The following ABCA12 variants were observed in gnomAD, a reference collection of about 807,000 sequenced individuals.
ABCA12 encodes the protein ATP binding cassette subfamily A member 12.
A neutral mutation model predicts 293.5 loss-of-function variants in ABCA12; 156 were observed. The observed-to-expected ratio is 0.53, with a 90% CI of 0.47 to 0.61. The LOEUF (loss-of-function observed/expected upper bound fraction) is 0.61, where lower values mean the gene tolerates loss of function less well. Among genes scored for constraint, ABCA12 ranks in the 20% least tolerant of loss-of-function variants. The pLI is 0.00. For missense variants in ABCA12, 2,797 were observed against 3,090.2 expected (o/e 0.91, Z 2.25); for synonymous variants, 1,063 against 1,108.0 (o/e 0.96, Z 0.81).
Position 214,955,339 on chromosome 2 carries a change from A to T in ABCA12, c.6256T>A (p.Tyr2086Asn). 1 of 1,614,138 alleles carries T rather than the reference A, an allele frequency of 6.2e-7. No homozygotes were observed. ...LFGYATFSWMYLLAGLFHETG... is the reference protein window; with the variant it reads ...LFGYATFSWMNLLAGLFHETG... ...TCATGGAAGAGCCCAGCCAGCAAGT[A>T]CATCCAGGAAAATGTTGCATACCTG... is the stretch of plus-strand genomic sequence containing the variant. Residue 2086 changes from tyrosine to asparagine, a missense_variant, in exon 43 of 53, where the codon TAC becomes AAC. By Grantham distance (143) the Tyr-to-Asn change is moderately radical. Coordinates refer to ENST00000272895, the MANE Select transcript of ABCA12 (RefSeq NM_173076.3).
At chr2:215,020,976 A>T (rs1200205817) in intron 11 of ABCA12, among the ~76,000 whole-genome samples, 1 of 152,166 alleles carries the variant, frequency 6.6e-6, no homozygotes, top group Non-Finnish European at 1.5e-5. Flanking sequence ...CTCTCGAGTA[A>T]GTAGCTGGGA....
intron 50 of ABCA12, 115 bp from the exon 51 acceptor site, chr2:214,937,730 T>C: frequency 2.7e-6 from 2 of 730,550 alleles, no homozygotes; most frequent in Non-Finnish European, 4.8e-6. Context: ...CTTTTCTTTA[T>C]ATGAAGACTA....
At chr2:214,987,956 C>A (rs563993576) in intron 26 of ABCA12, among the ~76,000 whole-genome samples, 163 bp from the exon 27 acceptor site, 205 of 152,246 alleles carry the variant, frequency 1.3e-3, no homozygotes, top group African/African-American at 4.7e-3. Flanking sequence ...AAGCAAAAAA[C>A]GATGCTTTTT....
intron 1 of ABCA12, among the ~76,000 whole-genome samples, chr2:215,126,954 T>C (rs1286793826): frequency 6.6e-6 from 1 of 152,168 alleles, no homozygotes; most frequent in Non-Finnish European, 1.5e-5. Context: ...TTGTTAGCAC[T>C]GCCTTTGCTG....
intron 30 of ABCA12, among the ~76,000 whole-genome samples, chr2:214,981,354 A>G (rs1699648285): frequency 6.6e-6 from 1 of 152,086 alleles, no homozygotes; most frequent in South Asian, 2.1e-4. Context: ...GACTTTTTGA[A>G]TATTCCTCTC....
At chr2:215,044,147 G>A (rs931698848) in intron 7 of ABCA12, among the ~76,000 whole-genome samples, 8 of 152,018 alleles carry the variant, frequency 5.3e-5, no homozygotes, top group African/African-American at 9.7e-5. Flanking sequence ...TCATATAGGT[G>A]TATATTTTCA....
Position 215,138,559 on chromosome 2 carries a change from G to T in ABCA12, c.-351C>A. The T allele has an allele frequency of 8.8e-6, 2 of 226,332 alleles. No individual in the cohort carries two copies. The highest frequency in any genetic ancestry group is 1.7e-5 in the Non-Finnish European group (2 of 115,924). The allele number at this position is 226,332 out of a possible 1,614,324, so 14.0% of individuals were successfully genotyped here. A position where few individuals can be genotyped will look rare whatever the true frequency, so the allele number is the denominator to read the frequency against. ...AGCATCATTCAGATAATGCCTCACTGAAAAAAAAAAAAAAGCAGCAGCTGA... is the reference window on the plus strand; with the variant it reads ...AGCATCATTCAGATAATGCCTCACTTAAAAAAAAAAAAAAGCAGCAGCTGA... On this transcript the variant is annotated 5_prime_UTR_variant, in exon 1 of 53. Transcript: ENST00000272895.
intron 8 of ABCA12, among the ~76,000 whole-genome samples, chr2:215,035,287 CA>C (rs1700967842): frequency 6.6e-6 from 1 of 152,154 alleles, no homozygotes; most frequent in Admixed American, 6.5e-5. Flanking sequence ...TAAAAAGAAA[CA>C]AAAGGTAAGT....
chr2:214,977,975 T>C (rs1699558406), intron 33 of ABCA12, among the ~76,000 whole-genome samples: 1 of 151,712 alleles, frequency 6.6e-6, no homozygotes, highest in Admixed American at 6.6e-5. Context: ...ATCTTGTCCA[T>C]TGTTAGCCCC....
chr2:214,955,777 T>G (rs1031374318), intron 42 of ABCA12, among the ~76,000 whole-genome samples: 1 of 152,230 alleles, frequency 6.6e-6, no homozygotes, highest in Non-Finnish European at 1.5e-5. Context: ...TAGATCTCTC[T>G]TTCATTCCTT....
At chr2:215,117,486 T>A (rs1702710297) in intron 1 of ABCA12, among the ~76,000 whole-genome samples, 1 of 152,226 alleles carries the variant, frequency 6.6e-6, no homozygotes, top group Non-Finnish European at 1.5e-5. Flanking sequence ...TTAACAAAAT[T>A]GAATTATCTA....
At chr2:215,056,652 A>G (rs559670602) in intron 3 of ABCA12, among the ~76,000 whole-genome samples, 1 of 152,190 alleles carries the variant, frequency 6.6e-6, no homozygotes, top group Admixed American at 6.5e-5. Context: ...TCACACATCA[A>G]AACTGTTTTC....
chr2:215,018,136 C>G lies in ABCA12; in HGVS notation c.1658-4G>C. On this transcript the variant is annotated splice_polypyrimidine_tract_variant and splice_region_variant and intron_variant, in intron 13 of 52. Transcript: ENST00000272895. ...TTAAACATTTCTAGTAACTGACCTG[C>G]AAGAAGAAAAATGTAAAAAGAAAAC... The G allele has an allele frequency of 6.2e-7, 1 of 1,611,250 alleles. No homozygotes were observed. The highest frequency in any genetic ancestry group is 8.5e-7 in the Non-Finnish European group (1 of 1,178,956).
At chr2:214,964,391 G>A (rs1699201796) in intron 39 of ABCA12, among the ~76,000 whole-genome samples, 1 of 152,052 alleles carries the variant, frequency 6.6e-6, no homozygotes, top group Non-Finnish European at 1.5e-5. Flanking sequence ...AATCAGGCAA[G>A]GTAAAGAAAT....
chr2:215,086,200 C>T (rs1408705282), intron 2 of ABCA12, among the ~76,000 whole-genome samples: 1 of 152,190 alleles, frequency 6.6e-6, no homozygotes, highest in Non-Finnish European at 1.5e-5. Flanking sequence ...CATCCAGATA[C>T]AATGGGTTAA....
In ABCA12 at chr2:215,099,270, G is replaced by T. The variant is rs375080678; in HGVS notation, c.163+12327C>A. On this transcript the variant is annotated intron_variant, in intron 2 of 52. Transcript: ENST00000272895. ...GTCAGTGCCAACGCACCAGCCATGT[G>T]AGCTATCCACCTTGGAAACAGATCT... is the stretch of plus-strand genomic sequence containing the variant. Among the ~76,000 whole-genome samples the T allele has an allele frequency of 5.3e-5, 8 of 152,218 alleles. 1 individual carries two copies. Among genetic ancestry groups the T allele is most frequent in the African/African-American group, 1.7e-4 (7 of 41,464 alleles).
intron 2 of ABCA12, among the ~76,000 whole-genome samples, chr2:215,088,365 A>G (rs1273814748): frequency 6.6e-6 from 1 of 152,236 alleles, no homozygotes; most frequent in Non-Finnish European, 1.5e-5. Context: ...GTGGACATGA[A>G]GGGAAAAAAT....
At chr2:215,054,940 G>A (rs1701390977) in intron 3 of ABCA12, among the ~76,000 whole-genome samples, 1 of 152,002 alleles carries the variant, frequency 6.6e-6, no homozygotes, top group Non-Finnish European at 1.5e-5. Context: ...AGACATTAGA[G>A]ATAAATACTT....
chr2:215,112,910 T>A (rs900698038), intron 1 of ABCA12, among the ~76,000 whole-genome samples: 1 of 152,178 alleles, frequency 6.6e-6, no homozygotes, highest in African/African-American at 2.4e-5. Context: ...TATAGACCTA[T>A]ATAATTGGCT....
Sources: gnomAD v4.1 joint callset for allele counts (sites outside exome capture counted in the v4.1 genomes callset) on GRCh38, gnomAD v4.1.1 for gene constraint, MANE v1.5 for transcripts, NCBI Gene and HGNC (gene_info 2026-07-23, HGNC 2026-07-21) for gene names.